Variants in SLIT3 observed in about 807,000 individuals in gnomAD.
SLIT3 encodes the protein slit homolog 3 protein.
Under a neutral mutation model 184.0 loss-of-function variants are expected in SLIT3, and 68 were observed. That is an observed-to-expected ratio of 0.37 (90% CI 0.30 to 0.45). The LOEUF (loss-of-function observed/expected upper bound fraction) is 0.45. Among genes scored for constraint, SLIT3 ranks in the 20% least tolerant of loss-of-function variants. The pLI is 1.00. For synonymous variants in SLIT3, 831 were observed against 828.6 expected (o/e 1.00, Z -0.05); for missense variants, 1,707 against 2,026.0 (o/e 0.84, Z 3.02).
At chr5:168,668,287 A>G (rs1435380531) in intron 35 of SLIT3, among the ~76,000 whole-genome samples, 1 of 152,154 alleles carries the variant, frequency 6.6e-6, no homozygotes, top group Non-Finnish European at 1.5e-5. Flanking sequence ...ACATATGCGA[A>G]TCATTGCAAA....
At chr5:169,065,395 A>C (rs1758316777) in intron 4 of SLIT3, among the ~76,000 whole-genome samples, 1 of 152,218 alleles carries the variant, frequency 6.6e-6, no homozygotes, top group Admixed American at 6.5e-5. Flanking sequence ...CACAGAGCAG[A>C]GCCCAAGGTC....
intron 4 of SLIT3, among the ~76,000 whole-genome samples, chr5:169,007,286 A>T (rs560903969): frequency 6.6e-6 from 1 of 152,326 alleles, no homozygotes; most frequent in South Asian, 2.1e-4. Context: ...GTATGTCTTT[A>T]AAGCAGTGTG....
At chr5:168,902,733 G>T (rs965522838) in intron 4 of SLIT3, among the ~76,000 whole-genome samples, 1 of 152,208 alleles carries the variant, frequency 6.6e-6, no homozygotes, top group South Asian at 2.1e-4. Context: ...GAGCACCAAA[G>T]TTTGAGAATC....
chr5:168,864,955 G>C (rs1283717982), intron 5 of SLIT3, among the ~76,000 whole-genome samples: 3 of 152,136 alleles, frequency 2.0e-5, no homozygotes, highest in African/African-American at 7.2e-5. Flanking sequence ...ATCACCTGAG[G>C]TCAGGAGTTC....
intron 1 of SLIT3, among the ~76,000 whole-genome samples, chr5:169,264,685 T>C (rs1221697580): frequency 6.6e-6 from 1 of 152,190 alleles, no homozygotes; most frequent in Non-Finnish European, 1.5e-5. Context: ...GTGTTTCCCT[T>C]TGGGCCACCC....
At chr5:169,272,657 G>A (rs1766668237) in intron 1 of SLIT3, among the ~76,000 whole-genome samples, 2 of 152,132 alleles carry the variant, frequency 1.3e-5, no homozygotes, top group Admixed American at 6.5e-5. Context: ...AAACGAGAAG[G>A]GAAGGGAACA....
chr5:169,193,198 C>A (rs11744765), intron 4 of SLIT3, among the ~76,000 whole-genome samples: 23,805 of 152,102 alleles, frequency 0.16, 2,201 homozygotes, highest in East Asian at 0.44. Flanking sequence ...ACCCACAATC[C>A]ATGGAAGCAT....
At chr5:168,882,446 T>C (rs908168701) in intron 5 of SLIT3, among the ~76,000 whole-genome samples, 22 of 152,170 alleles carry the variant, frequency 1.4e-4, no homozygotes, top group Non-Finnish European at 2.1e-4. Flanking sequence ...TGCGCTTGAC[T>C]ATGGTGACAG....
chr5:169,164,722 C>T (rs1036222465), intron 4 of SLIT3, among the ~76,000 whole-genome samples: 2 of 152,236 alleles, frequency 1.3e-5, no homozygotes, highest in African/African-American at 4.8e-5. Context: ...TTATCTCCAG[C>T]ATTCCTACAA....
rs759584382 is a variant in SLIT3 at position 168,817,426 on chromosome 5, G to C, written c.667C>G (p.Leu223Val). 52 of 1,614,110 alleles carry C rather than the reference G, an allele frequency of 3.2e-5. No individual in the cohort carries two copies. The highest frequency in any genetic ancestry group is 3.7e-5 in the Non-Finnish European group (44 of 1,180,046). The stretch of plus-strand genomic sequence containing the variant: ...CGCAGCCAATCCGAGAGCCAGGCCA[G>C]GTGGCAGTCGCAGTACAGGTGGTTG... ...HSNHLYCDCH[L>V]AWLSDWLRQR... is the part of the protein sequence containing the mutation. Residue 223 changes from leucine (L) to valine (V), a missense_variant, in exon 8 of 36, where the codon CTG (leucine) becomes GTG (valine). By Grantham distance (32) the Leu-to-Val change is conservative. This residue lies in a region of SLIT3 where 1,307 missense variants were observed against 1,511.6 expected (regional missense o/e 0.86). Transcript: ENST00000519560.
intron 14 of SLIT3, among the ~76,000 whole-genome samples, chr5:168,762,909 C>T (rs1755209192): frequency 6.6e-6 from 1 of 152,116 alleles, no homozygotes. Flanking sequence ...TGTTATTCAT[C>T]ACCATCCTCA....
intron 4 of SLIT3, among the ~76,000 whole-genome samples, chr5:169,025,787 G>A (rs985429873): frequency 1.3e-5 from 2 of 152,148 alleles, no homozygotes; most frequent in African/African-American, 2.4e-5. Context: ...TCAAAAAAAA[G>A]TCTAAATCTA....
chr5:168,925,553 G>C (rs1232323176), intron 4 of SLIT3, among the ~76,000 whole-genome samples: 1 of 152,098 alleles, frequency 6.6e-6, no homozygotes, highest in East Asian at 1.9e-4. Context: ...TGGATGCAGA[G>C]GAGTCTGGGG....
chr5:168,860,629 A>G (rs1759068963), intron 5 of SLIT3, among the ~76,000 whole-genome samples: 1 of 152,156 alleles, frequency 6.6e-6, no homozygotes, highest in African/African-American at 2.4e-5. Flanking sequence ...TTTCAGATAC[A>G]GACCAACCAA....
At chr5:169,084,500 C>T (rs757709494) in intron 4 of SLIT3, among the ~76,000 whole-genome samples, 21 of 135,162 alleles carry the variant, frequency 1.6e-4, no homozygotes, top group Non-Finnish European at 2.3e-4. Context: ...TTAGTAGAGA[C>T]GGGGTTTCAC....
intron 8 of SLIT3, among the ~76,000 whole-genome samples, chr5:168,814,153 TG>T (rs1757253491): frequency 6.6e-6 from 1 of 152,012 alleles, no homozygotes; most frequent in Admixed American, 6.6e-5. Flanking sequence ...CCCAGGGCTT[TG>T]GGAGGCCGAG....
intron 35 of SLIT3, chr5:168,667,897 T>A (rs1214914178): frequency 7.2e-5 from 11 of 152,200 alleles, no homozygotes. Context: ...GGAGTGCAGA[T>A]GGGGCAACAT....
intron 4 of SLIT3, among the ~76,000 whole-genome samples, chr5:168,988,642 C>T (rs1325499880): frequency 6.6e-6 from 1 of 152,192 alleles, no homozygotes; most frequent in Non-Finnish European, 1.5e-5. Context: ...AAACTTCCAA[C>T]CAAATACTTA....
chr5:168,865,122 A>G (rs1468552486), intron 5 of SLIT3, among the ~76,000 whole-genome samples: 1 of 150,256 alleles, frequency 6.7e-6, no homozygotes, highest in South Asian at 2.1e-4. Context: ...GCAGTGAGCC[A>G]AGATTGTGCC....
Sources: gnomAD v4.1 joint callset for allele counts (sites outside exome capture counted in the v4.1 genomes callset) on GRCh38, gnomAD v4.1.1 for gene constraint, gnomAD v4.1.1 regional missense constraint, MANE v1.5 for transcripts, NCBI Gene and HGNC (gene_info 2026-07-23, HGNC 2026-07-21) for gene names.